SPON1: variants seen among roughly 807,000 people sequenced by gnomAD.
The protein encoded by SPON1 is spondin 1, also known as spondin-1.
A neutral mutation model predicts 111.7 loss-of-function variants in SPON1; 52 were observed. The observed-to-expected ratio is 0.47, with a 90% confidence interval of 0.37 to 0.59. SPON1 has a LOEUF of 0.59. SPON1 is among the 20% of genes least tolerant of loss of function. The pLI, the probability that SPON1 is intolerant of heterozygous loss-of-function variation, is 0.00. For synonymous variants in SPON1, 410 were observed against 395.8 expected (o/e 1.04, Z -0.43); for missense variants, 957 against 1,068.5 (o/e 0.90, Z 1.46).
chr11:13,992,500 G>C (rs969591255), intron 2 of SPON1, among the ~76,000 whole-genome samples: 5 of 152,176 alleles, frequency 3.3e-5, no homozygotes, highest in African/African-American at 1.2e-4. Context: ...TGGGCTCCGT[G>C]GGGGTGGGAC....
At chr11:14,102,388 C>G (rs1315024610) in intron 5 of SPON1, among the ~76,000 whole-genome samples, 1 of 152,158 alleles carries the variant, frequency 6.6e-6, no homozygotes, top group Non-Finnish European at 1.5e-5. Flanking sequence ...TTTTAACATG[C>G]AATTCATATA....
intron 2 of SPON1, among the ~76,000 whole-genome samples, chr11:13,985,368 G>C (rs1232656611): frequency 6.6e-6 from 1 of 152,244 alleles, no homozygotes; most frequent in Non-Finnish European, 1.5e-5. Context: ...ACTGTTCTGA[G>C]TGGTTTATAT....
rs1216455563 is a variant in SPON1 at position 14,160,621 on chromosome 11, A to C, written c.825+25053A>C. Reference sequence around the variant, plus strand: ...TTTATATATATTTATATATATTTATATATATATTTATATATATTTACATAT... The same window carrying C: ...TTTATATATATTTATATATATTTATCTATATATTTATATATATTTACATAT... On this transcript the variant is annotated intron_variant, in intron 6 of 15. Coordinates refer to ENST00000576479, the MANE Select transcript of SPON1 (RefSeq NM_006108.4). Among the ~76,000 whole-genome samples the C allele has an allele frequency of 6.9e-5, 2 of 28,880 alleles. 1 individual carries two copies. The highest frequency in any genetic ancestry group is 1.2e-4 in the Non-Finnish European group (2 of 16,810). 18.9% of individuals were successfully genotyped at this position (28,880 alleles called of 152,430 possible).
At chr11:14,144,036 C>A (rs1381525105) in intron 6 of SPON1, among the ~76,000 whole-genome samples, 3 of 152,154 alleles carry the variant, frequency 2.0e-5, no homozygotes, top group Non-Finnish European at 4.4e-5. Flanking sequence ...AGTAGGTCAC[C>A]TAAGCTCACT....
intron 5 of SPON1, among the ~76,000 whole-genome samples, chr11:14,100,783 T>C (rs1849137208): frequency 6.6e-6 from 1 of 152,248 alleles, no homozygotes; most frequent in South Asian, 2.1e-4. Context: ...ATTTTTATAA[T>C]ACATTTTTGC....
At chr11:14,040,347 T>A (rs533892922) in intron 2 of SPON1, among the ~76,000 whole-genome samples, 87 of 152,216 alleles carry the variant, frequency 5.7e-4, no homozygotes, top group African/African-American at 2.0e-3. Context: ...GTAGTAACAA[T>A]GATATAGCTC....
At chr11:13,992,720 T>C (rs1035232968) in intron 2 of SPON1, among the ~76,000 whole-genome samples, 1 of 152,184 alleles carries the variant, frequency 6.6e-6, no homozygotes, top group African/African-American at 2.4e-5. Flanking sequence ...TCCTGGTTTG[T>C]GGGTTGTGAA....
chr11:14,194,930 T>A (rs1012465541), intron 6 of SPON1, among the ~76,000 whole-genome samples: 1 of 152,206 alleles, frequency 6.6e-6, no homozygotes, highest in Admixed American at 6.5e-5. Context: ...AAAGCATGGG[T>A]AAATTCTTGA....
intron 5 of SPON1, among the ~76,000 whole-genome samples, chr11:14,131,717 G>C (rs573331724): frequency 9.8e-4 from 149 of 152,322 alleles, no homozygotes; most frequent in South Asian, 2.3e-3. Flanking sequence ...CTGAGGCTCT[G>C]AGAGATTGAA....
intron 6 of SPON1, among the ~76,000 whole-genome samples, chr11:14,142,668 C>T (rs1430396964): frequency 2.6e-5 from 4 of 152,232 alleles, no homozygotes; most frequent in African/African-American, 4.8e-5. Context: ...CCATGGAGCA[C>T]ATCTTCCTGA....
chr11:14,248,278 G>T (rs1849013636), intron 7 of SPON1, among the ~76,000 whole-genome samples: 1 of 152,150 alleles, frequency 6.6e-6, no homozygotes, highest in African/African-American at 2.4e-5. Context: ...TGAGGTTATG[G>T]AGTCAGCAAG....
Position 14,259,267 on chromosome 11 carries a change from C to G in SPON1, c.1493-13C>G, listed in dbSNP as rs781918871. ...ACCGTGCACTGCTGCAGCGTTCACT[C>G]GGTGTGTTGCAGACGGCTCCACCTG... is the stretch of plus-strand genomic sequence containing the variant. On this transcript the variant is annotated splice_polypyrimidine_tract_variant and intron_variant, in intron 11 of 15. Coordinates refer to ENST00000576479, the MANE Select transcript of SPON1 (RefSeq NM_006108.4). This position sits in a 1 kb window ranked among gnomAD's most constrained non-coding sequence, Gnocchi z 5.0. The G allele has an allele frequency of 6.2e-7, 1 of 1,602,630 alleles. No homozygotes were observed. Among genetic ancestry groups the G allele is most frequent in the Non-Finnish European group, 8.5e-7 (1 of 1,174,462 alleles).
At chr11:14,114,524 C>A (rs781921307) in intron 5 of SPON1, among the ~76,000 whole-genome samples, 1 of 152,222 alleles carries the variant, frequency 6.6e-6, no homozygotes, top group African/African-American at 2.4e-5. Flanking sequence ...GGCTCCACAT[C>A]CGTCCAGGTT....
intron 6 of SPON1, among the ~76,000 whole-genome samples, chr11:14,197,676 C>G (rs1276287843): frequency 1.3e-5 from 2 of 149,540 alleles, no homozygotes; most frequent in East Asian, 3.9e-4. Context: ...ATTAGCTGGG[C>G]ATGGTGGCAC....
At chr11:13,997,262 A>C (rs1848280584) in intron 2 of SPON1, among the ~76,000 whole-genome samples, 1 of 152,202 alleles carries the variant, frequency 6.6e-6, no homozygotes, top group Non-Finnish European at 1.5e-5. Flanking sequence ...ACTACTCAGA[A>C]AGGACCATGC....
At chr11:14,114,447 C>A (rs1554925795) in intron 5 of SPON1, among the ~76,000 whole-genome samples, 1 of 152,220 alleles carries the variant, frequency 6.6e-6, no homozygotes, top group Non-Finnish European at 1.5e-5. Context: ...TTTGACACAT[C>A]TCACTCAGTT....
intron 13 of SPON1, among the ~76,000 whole-genome samples, chr11:14,260,037 CA>C (rs1273903254): frequency 6.6e-6 from 1 of 152,168 alleles, no homozygotes; most frequent in Non-Finnish European, 1.5e-5. Context: ...GCGGGACATA[CA>C]TTACCCAGGT....
intron 5 of SPON1, among the ~76,000 whole-genome samples, chr11:14,098,817 A>C (rs1041500217): frequency 2.0e-5 from 3 of 152,196 alleles, no homozygotes; most frequent in Non-Finnish European, 2.9e-5. Flanking sequence ...ATCTGGGTCC[A>C]TCTGACCCTA....
At chr11:14,097,637 G>A (rs767848853) in intron 5 of SPON1, among the ~76,000 whole-genome samples, 3 of 152,026 alleles carry the variant, frequency 2.0e-5, no homozygotes, top group Non-Finnish European at 2.9e-5. Context: ...ATGGTGGTGC[G>A]TGCCTGTAGT....
Sources: gnomAD v4.1 joint callset for allele counts (sites outside exome capture counted in the v4.1 genomes callset) on GRCh38, gnomAD v4.1.1 for gene constraint, Gnocchi (gnomAD v3.1) non-coding constraint, MANE v1.5 for transcripts, NCBI Gene and HGNC (gene_info 2026-07-23, HGNC 2026-07-21) for gene names.